PSPH: variants seen among roughly 807,000 people sequenced by gnomAD.
The protein encoded by PSPH is phosphoserine phosphatase.
In PSPH, 16 loss-of-function variants were observed where a neutral mutation model predicts 23.4. The ratio of observed to expected loss-of-function variants is 0.68; its 90% CI spans 0.46 to 1.04. The LOEUF is 1.04. Ranked by LOEUF, PSPH falls within the 50% of genes least tolerant of loss-of-function variation. The pLI is 0.00. For missense variants in PSPH, 223 were observed against 273.7 expected (o/e 0.81, Z 1.31); for synonymous variants, 68 against 99.7 (o/e 0.68, Z 1.89).
At chr7:56,037,504 G>A (rs1324394323) in intron 1 of PSPH, among the ~76,000 whole-genome samples, 2 of 149,826 alleles carry the variant, frequency 1.3e-5, no homozygotes, top group Non-Finnish European at 3.0e-5. Context: ...CTGAAGCTTC[G>A]AACTCCTGGG....
At chr7:56,049,658 G>A (rs1285982312) in intron 1 of PSPH, among the ~76,000 whole-genome samples, 1 of 151,720 alleles carries the variant, frequency 6.6e-6, no homozygotes, top group Admixed American at 6.6e-5. Context: ...GGCTGGTCTC[G>A]AACTCCTGAC....
intron 1 of PSPH, among the ~76,000 whole-genome samples, chr7:56,044,458 G>C (rs555094814): frequency 1.2e-4 from 19 of 152,164 alleles, no homozygotes; most frequent in African/African-American, 4.6e-4. Flanking sequence ...AAAATTAGGA[G>C]GACAAAGATT....
At chr7:56,043,960 G>T (rs143695613) in intron 1 of PSPH, among the ~76,000 whole-genome samples, 2 of 152,094 alleles carry the variant, frequency 1.3e-5, no homozygotes. Flanking sequence ...TTTCCCATGA[G>T]AATATTTTTT....
At chr7:56,032,608 T>G (rs1219793267) in intron 2 of PSPH, among the ~76,000 whole-genome samples, 1 of 142,756 alleles carries the variant, frequency 7.0e-6, no homozygotes, top group Admixed American at 7.4e-5. Flanking sequence ...TGCAGTGAGC[T>G]GAGATCGTGC....
At chr7:56,027,216 A>C (rs533721844) in intron 3 of PSPH, among the ~76,000 whole-genome samples, 14 of 151,808 alleles carry the variant, frequency 9.2e-5, no homozygotes, top group Middle Eastern at 3.4e-3. Flanking sequence ...AAAAACAAAA[A>C]AAAAAAAAAA....
chr7:56,049,885 T>C lies in PSPH; in HGVS notation c.-292+1253A>G, dbSNP rs562181931. Among the ~76,000 whole-genome samples, 10 of 151,024 alleles carry C rather than the reference T, an allele frequency of 6.6e-5. No individual in the cohort carries two copies. In the South Asian group the frequency reaches 1.7e-3, roughly 25 times the overall value. On this transcript the variant is annotated intron_variant, in intron 1 of 7. Coordinates refer to ENST00000275605, the MANE Select transcript of PSPH (RefSeq NM_004577.4). ...CCTCCCAAGTAGCTTGGATCACAGA[T>C]GCACACCACCAGGCCAGGCTGATGT...
intron 7 of PSPH, among the ~76,000 whole-genome samples, chr7:56,014,055 G>T (rs1238354169): frequency 6.6e-6 from 1 of 152,152 alleles, no homozygotes; most frequent in East Asian, 1.9e-4. Flanking sequence ...CTTGAGCCCA[G>T]AGGGCGGAGG....
chr7:56,042,750 G>A (rs991245096), intron 1 of PSPH, among the ~76,000 whole-genome samples: 7 of 152,070 alleles, frequency 4.6e-5, no homozygotes, highest in African/African-American at 1.7e-4. Flanking sequence ...TCAGGAGGCT[G>A]AGGCAGGAGG....
At chr7:56,041,120 T>C (rs926108588) in intron 1 of PSPH, among the ~76,000 whole-genome samples, 1 of 152,042 alleles carries the variant, frequency 6.6e-6, no homozygotes, top group African/African-American at 2.4e-5. Flanking sequence ...TCCAAACACT[T>C]TGGGAGGCCA....
chr7:56,023,920 CT>C (rs1047546226), intron 3 of PSPH, among the ~76,000 whole-genome samples: 31 of 147,642 alleles, frequency 2.1e-4, no homozygotes, highest in African/African-American at 2.7e-4. Flanking sequence ...TTTTATTTTA[CT>C]TTTTTTTTTT....
chr7:56,021,745 C>T (rs1562796159), intron 3 of PSPH, among the ~76,000 whole-genome samples: 1 of 149,300 alleles, frequency 6.7e-6, no homozygotes, highest in Non-Finnish European at 1.5e-5. Flanking sequence ...TCAGGAGATC[C>T]GAGAACATCC....
intron 7 of PSPH, among the ~76,000 whole-genome samples, chr7:56,014,151 T>C (rs531702633): frequency 1.3e-5 from 2 of 152,112 alleles, no homozygotes; most frequent in South Asian, 4.2e-4. Context: ...CAAAACATAA[T>C]ATTTGACTTC....
chr7:56,044,888 A>G (rs1178834069), intron 1 of PSPH, among the ~76,000 whole-genome samples: 1 of 141,968 alleles, frequency 7.0e-6, no homozygotes, highest in South Asian at 2.3e-4. Context: ...AGCCTGACCA[A>G]CATGGAGAAA....
intron 1 of PSPH, among the ~76,000 whole-genome samples, chr7:56,034,927 G>T (rs1208565617): frequency 2.6e-5 from 4 of 151,874 alleles, no homozygotes; most frequent in Non-Finnish European, 4.4e-5. Context: ...AGATGGGGGG[G>T]GGTCTCACTG....
chr7:56,032,381 G>C (rs754784945), intron 2 of PSPH, among the ~76,000 whole-genome samples: 13 of 152,086 alleles, frequency 8.5e-5, no homozygotes, highest in East Asian at 1.9e-4. Context: ...GCAGACTTGG[G>C]CGGGCATGAT....
chr7:56,031,488 A>G (rs2116911183), intron 3 of PSPH, among the ~76,000 whole-genome samples: 1 of 152,280 alleles, frequency 6.6e-6, no homozygotes, highest in Non-Finnish European at 1.5e-5. Context: ...CATGCCACAT[A>G]GTTGACATCA....
At chr7:56,014,008 G>A (rs1310467626) in intron 7 of PSPH, among the ~76,000 whole-genome samples, 2 of 151,642 alleles carry the variant, frequency 1.3e-5, no homozygotes, top group African/African-American at 2.4e-5. Flanking sequence ...ATGCGTCTGT[G>A]GTCCCAGCTA....
At chr7:56,050,571 G>C (rs1374498636) in intron 1 of PSPH, among the ~76,000 whole-genome samples, 1 of 152,118 alleles carries the variant, frequency 6.6e-6, no homozygotes, top group Non-Finnish European at 1.5e-5. Flanking sequence ...CTGGCCCCTA[G>C]TTGAGTCATT....
chr7:56,046,984 T>A (rs1251852887), intron 1 of PSPH, among the ~76,000 whole-genome samples: 3 of 152,150 alleles, frequency 2.0e-5, no homozygotes, highest in Admixed American at 1.3e-4. Flanking sequence ...ATAAAGAGCA[T>A]TCTTGGGCCT....
Sources: gnomAD v4.1 joint callset for allele counts (sites outside exome capture counted in the v4.1 genomes callset) on GRCh38, gnomAD v4.1.1 for gene constraint, MANE v1.5 for transcripts, NCBI Gene and HGNC (gene_info 2026-07-23, HGNC 2026-07-21) for gene names.